The following RECQL4 variants were observed in gnomAD, a reference collection of about 807,000 sequenced individuals.
RECQL4 encodes the protein ATP-dependent DNA helicase Q4.
A neutral mutation model predicts 128.6 loss-of-function variants in RECQL4; 158 were observed. The ratio of observed to expected loss-of-function variants is 1.23; its 90% CI spans 1.08 to 1.40. RECQL4 has a LOEUF of 1.40. Ranked by LOEUF, RECQL4 falls within the 40% of genes most tolerant of loss-of-function variation. The probability of loss-of-function intolerance (pLI) is 0.00; values close to 1 mark genes in which losing one functional copy is unlikely to be tolerated. For missense variants in RECQL4, 2,293 were observed against 1,649.8 expected, an observed-to-expected ratio of 1.39 and a Z score of -6.75; for synonymous variants, 996 against 678.9, an observed-to-expected ratio of 1.47 and a Z score of -7.26.
Position 144,517,720 on chromosome 8 carries a change from CG to C in RECQL4, c.64del (p.Arg22AlafsTer27). 7.4e-7 allele frequency: 1 copy of C among 1,356,736 alleles called. No homozygotes were observed. Among genetic ancestry groups the C allele is most frequent in the Non-Finnish European group, 9.5e-7 (1 of 1,054,086 alleles). The allele number at this position is 1,356,736 out of a possible 1,614,324, so 84.0% of individuals were successfully genotyped here. ...QAWERAFRRQ[R>X]GRRPSQDDVE... Reference sequence around the variant, plus strand: ...CCGCACCTGGCTCGGTCGCCGCCCGCGCTGCCGTCGGAACGCGCGCTCCCAC... The same window carrying C: ...CCGCACCTGGCTCGGTCGCCGCCCGCCTGCCGTCGGAACGCGCGCTCCCAC... On this transcript the variant is annotated frameshift_variant, in exon 1 of 21. Transcript: ENST00000617875. LOFTEE classifies it high-confidence loss of function.
rs1245043798 is a variant in RECQL4, at chr8:144,515,155, A to G, written c.1478T>C (p.Leu493Pro). The G allele has an allele frequency of 1.9e-6, 3 of 1,565,648 alleles. No homozygotes were observed. The highest frequency in any genetic ancestry group is 2.6e-6 in the Non-Finnish European group (3 of 1,156,196). The change falls in exon 8 of 21, where the codon CTG becomes CCG. Residue 493 changes from leucine (L) to proline (P), a missense_variant. Coordinates refer to ENST00000617875, the MANE Select transcript of RECQL4 (RefSeq NM_004260.4). ...PGQERAVMRI[L>P]SGISTLLVLP... ...GCCCTGGCAGCCACGCTCACCAGAC[A>G]GGATCCGCATGACTGCACGCTCCTG...
Position 144,512,378 on chromosome 8 carries a change from G to C in RECQL4, c.3055+14C>G. 2 of 1,608,072 alleles carry C rather than the reference G, an allele frequency of 1.2e-6. No individual in the cohort carries two copies. Among genetic ancestry groups the C allele is most frequent in the Non-Finnish European group, 1.7e-6 (2 of 1,176,690 alleles). Reference sequence around the variant, plus strand: ...GGCAGCGTCCAGGGCGGTGTGGGGTGGGGAGAGGCGCACCTGTCCTGGGCT... The same window carrying C: ...GGCAGCGTCCAGGGCGGTGTGGGGTCGGGAGAGGCGCACCTGTCCTGGGCT... On this transcript the variant is annotated intron_variant, in intron 17 of 20. Transcript: ENST00000617875.
At chr8:144,515,955 G>A (rs371306213) in intron 5 of RECQL4, 33 bp downstream of exon 5, 74 of 1,611,678 alleles carry the variant, frequency 4.6e-5, no homozygotes, top group Non-Finnish European at 5.9e-5. Context: ...GGGAGGGAAA[G>A]GGAATGCCTG....
At chr8:144,514,555 C>T (rs776960806) in intron 9 of RECQL4, 30 bp from the exon 10 acceptor site, 28 of 1,597,948 alleles carry the variant, frequency 1.8e-5, no homozygotes, top group Admixed American at 1.0e-4. Context: ...AGCCGTCATA[C>T]GCCAGCCCAG....
chr8:144,512,422 G>T lies in RECQL4; in HGVS notation c.3025C>A (p.Gln1009Lys). The T allele has an allele frequency of 6.2e-7, 1 of 1,608,318 alleles. No individual in the cohort carries two copies. The highest frequency in any genetic ancestry group is 1.3e-5 in the African/African-American group (1 of 75,006). ...ELASVRRALC[Q>K]LQWDHEPRTG... is the part of the protein sequence containing the mutation. ...CTGGGCTCGTGGTCCCACTGCAGCT[G>T]GCAGAGAGCCCGCCGCACAGAGGCC... The change falls in exon 17 of 21, where the codon CAG becomes AAG. Residue 1009 changes from glutamine (Q) to lysine (K), a missense_variant. Gln to Lys is a moderately conservative substitution (Grantham distance 53). Transcript: ENST00000617875.
In RECQL4 at chr8:144,513,723, G is replaced by A. The variant is rs1827691613; in HGVS notation, c.2059-11C>T. On this transcript the variant is annotated splice_polypyrimidine_tract_variant and intron_variant, in intron 12 of 20. Coordinates refer to ENST00000617875, the MANE Select transcript of RECQL4 (RefSeq NM_004260.4). ...CAGCGTCAACAGTGCCTGATGAGGA[G>A]CGGTTGGCGTGGGCAGTGGGGAGTG... The A allele has an allele frequency of 4.5e-6, 7 of 1,549,408 alleles. No homozygotes were observed. Among genetic ancestry groups the A allele is most frequent in the South Asian group, 1.2e-5 (1 of 84,032 alleles).
Position 144,515,166 on chromosome 8 carries a change from G to A in RECQL4, c.1467C>T (p.Val489=). ...CACGCTCACCAGACAGGATCCGCAT[G>A]ACTGCACGCTCCTGCCCAGGGCGAA... ...QAFRPGQERA[V]MRILSGISTL... Residue 489 remains valine (V), a synonymous_variant, in exon 8 of 21, where the codon GTC becomes GTT. Coordinates refer to ENST00000617875, the MANE Select transcript of RECQL4 (RefSeq NM_004260.4). The A allele has an allele frequency of 1.3e-6, 2 of 1,565,452 alleles. No homozygotes were observed. Among genetic ancestry groups the A allele is most frequent in the Non-Finnish European group, 1.7e-6 (2 of 1,156,042 alleles).
chr8:144,511,845 G>A (rs1254024703), intron 19 of RECQL4, 56 bp from the exon 20 acceptor site: 20 of 1,610,592 alleles, frequency 1.2e-5, no homozygotes, highest in Non-Finnish European at 1.7e-5. Context: ...TGCATCCACA[G>A]AGCAAGCCCC....
At chr8:144,515,299 G>T in intron 7 of RECQL4, 27 bp downstream of exon 7, 1 of 1,611,624 alleles carries the variant, frequency 6.2e-7, no homozygotes, top group East Asian at 2.2e-5. Context: ...CTCAGTGAAG[G>T]CTCTGGGCCA....
In RECQL4 at chr8:144,514,523, C is replaced by T; in HGVS notation, c.1623G>A (p.Val541=). Residue 541 remains valine, a splice_region_variant and synonymous_variant, in exon 10 of 21, where the codon GTG becomes GTA. Coordinates refer to ENST00000617875, the MANE Select transcript of RECQL4 (RefSeq NM_004260.4). Reference sequence around the variant, plus strand: ...CCTTGAGACACGGTGGCAGGCCAGACACCTGCAAATGCAGGAGCGACAGCC... The same window carrying T: ...CCTTGAGACACGGTGGCAGGCCAGATACCTGCAAATGCAGGAGCGACAGCC... The part of the protein sequence containing the change: ...SPLLSLMDDQ[V]SGLPPCLKAA... 1.2e-6 allele frequency: 2 copies of T among 1,611,294 alleles called. No individual in the cohort carries two copies. Among genetic ancestry groups the T allele is most frequent in the Non-Finnish European group, 1.7e-6 (2 of 1,179,284 alleles).
rs778391731 is a variant in RECQL4 at position 144,514,190 on chromosome 8, T to C, written c.1877A>G (p.Lys626Arg). The C allele has an allele frequency of 1.2e-6, 2 of 1,612,098 alleles. No homozygotes were observed. Among genetic ancestry groups the C allele is most frequent in the Non-Finnish European group, 8.5e-7 (1 of 1,179,664 alleles). The change falls in exon 11 of 21, where the codon AAG becomes AGG. Residue 626 changes from lysine (K) to arginine (R), a missense_variant and splice_region_variant. Physicochemically the swap from Lys to Arg is conservative, Grantham distance 26 (BLOSUM62 2). Transcript: ENST00000617875. Reference protein sequence around the residue: ...NFRPCYLRVCKVLRERMGVHC... With the variant: ...NFRPCYLRVCRVLRERMGVHC... The stretch of plus-strand genomic sequence containing the variant: ...CACCCCAGTTCACATATGGCTCACC[T>C]TGCAGACGCGCAGGTAGCAGGGCCG...
chr8:144,517,281 C>G, intron 3 of RECQL4, 91 bp from the exon 4 acceptor site: 1 of 1,508,338 alleles, frequency 6.6e-7, no homozygotes, highest in Non-Finnish European at 8.9e-7. Flanking sequence ...GAGCGAGGCC[C>G]GGCCCTTCTT....
Position 144,514,047 on chromosome 8 carries a change from G to T in RECQL4, c.1939C>A (p.Arg647Ser), listed in dbSNP as rs775127620. 6.3e-7 allele frequency: 1 copy of T among 1,581,270 alleles called. No homozygotes were observed. Among genetic ancestry groups the T allele is most frequent in the Non-Finnish European group, 8.6e-7 (1 of 1,164,876 alleles). ...TGCTGTGCCACGTCACTGGCAGTGCGGCGTGTGGCTGTGGCTGTGAGGCCC... is the reference window on the plus strand; with the variant it reads ...TGCTGTGCCACGTCACTGGCAGTGCTGCGTGTGGCTGTGGCTGTGAGGCCC... ...FLGLTATATR[R>S]TASDVAQHLA... The change falls in exon 12 of 21, where the codon CGC becomes AGC. Residue 647 changes from arginine to serine, a missense_variant. Coordinates refer to ENST00000617875, the MANE Select transcript of RECQL4 (RefSeq NM_004260.4).
At chr8:144,516,976 A>G in intron 4 of RECQL4, 74 bp downstream of exon 4, 1 of 1,542,434 alleles carries the variant, frequency 6.5e-7, no homozygotes, top group Non-Finnish European at 8.8e-7. Flanking sequence ...TGTGTGGAAA[A>G]AATGACAAGA....
At chr8:144,513,511 G>A (rs892937215) in intron 13 of RECQL4, 31 bp from the exon 14 acceptor site, 1 of 1,610,706 alleles carries the variant, frequency 6.2e-7, no homozygotes, top group Non-Finnish European at 8.5e-7. Context: ...TGGTCAGTGG[G>A]ATGGGACCAT....
At chr8:144,515,620 C>A (rs1828044710) in intron 6 of RECQL4, 144 bp downstream of exon 6, 2 of 1,439,016 alleles carry the variant, frequency 1.4e-6, no homozygotes, top group East Asian at 2.4e-5. Context: ...TCGTCCCTGC[C>A]ACCCTCCTTC....
At chr8:144,517,015 A>G (rs2130733821) in intron 4 of RECQL4, 35 bp downstream of exon 4, 1 of 1,590,400 alleles carries the variant, frequency 6.3e-7, no homozygotes, top group Non-Finnish European at 8.6e-7. Context: ...GCAGCTGTGG[A>G]CCTAGCGTGG....
At position 144,511,430 on chromosome 8, in the gene RECQL4, G is replaced by A. The variant is rs1827169327; in HGVS notation, c.*1C>T. ...ACCCGACATCCCCCAATGCAGTGCA[G>A]TCAGCGGGCCACCTGCAGGAGCTCT... On this transcript the variant is annotated 3_prime_UTR_variant, in exon 21 of 21. Coordinates refer to ENST00000617875, the MANE Select transcript of RECQL4 (RefSeq NM_004260.4). 2 of 1,612,328 alleles carry A rather than the reference G, an allele frequency of 1.2e-6. No homozygotes were observed. The highest frequency in any genetic ancestry group is 3.3e-5 in the Admixed American group (2 of 60,014).
At position 144,514,111 on chromosome 8, in the gene RECQL4, C is replaced by A; in HGVS notation, c.1879-4G>T. ...CGCCCATGCGCTCCCGAAGCACCTG[C>A]ACCAGAGGCGGCAGTGGTGTGAGGC... On this transcript the variant is annotated splice_region_variant and splice_polypyrimidine_tract_variant and intron_variant, in intron 11 of 20. Transcript: ENST00000617875. 1 of 1,607,972 alleles carries A rather than the reference C, an allele frequency of 6.2e-7. No individual in the cohort carries two copies. Among genetic ancestry groups the A allele is most frequent in the Non-Finnish European group, 8.5e-7 (1 of 1,178,010 alleles).
Sources: gnomAD v4.1 joint callset for allele counts on GRCh38, gnomAD v4.1.1 for gene constraint, MANE v1.5 for transcripts, NCBI Gene and HGNC (gene_info 2026-07-23, HGNC 2026-07-21) for gene names.